Variants in ROBO1 observed in about 807,000 individuals in gnomAD.
The protein encoded by ROBO1 is roundabout homolog 1.
In ROBO1, 149 loss-of-function variants were observed where a neutral mutation model predicts 195.9. The ratio of observed to expected loss-of-function variants is 0.76; its 90% CI spans 0.67 to 0.87. The LOEUF (loss-of-function observed/expected upper bound fraction) is 0.87. ROBO1 is among the 40% of genes least tolerant of loss of function. The pLI, the probability that ROBO1 is intolerant of heterozygous loss-of-function variation, is 0.00. For missense variants in ROBO1, 1,933 were observed against 2,068.3 expected (o/e 0.93, Z 1.27); for synonymous variants, 816 against 733.2 (o/e 1.11, Z -1.82).
chr3:79,016,360 T>C (rs752308722), intron 3 of ROBO1, among the ~76,000 whole-genome samples: 4 of 152,160 alleles, frequency 2.6e-5, no homozygotes, highest in Non-Finnish European at 5.9e-5. Context: ...GCAAAGCAGA[T>C]AGGCACACCT....
At chr3:79,227,554 G>T (rs959603662) in intron 2 of ROBO1, among the ~76,000 whole-genome samples, 1 of 152,030 alleles carries the variant, frequency 6.6e-6, no homozygotes, top group African/African-American at 2.4e-5. Flanking sequence ...AGTGAATGTC[G>T]TCATTGAGTC....
intron 26 of ROBO1, among the ~76,000 whole-genome samples, chr3:78,620,260 C>T (rs888161816): frequency 4.6e-5 from 7 of 151,966 alleles, no homozygotes; most frequent in African/African-American, 7.2e-5. Context: ...GTGGTGTGCA[C>T]CTGTAATCCC....
intron 1 of ROBO1, among the ~76,000 whole-genome samples, chr3:79,636,244 T>C (rs561701044): frequency 1.3e-5 from 2 of 152,274 alleles, no homozygotes; most frequent in South Asian, 4.1e-4. Flanking sequence ...TCTGGGGCTG[T>C]CAAATTCATT....
chr3:79,673,173 T>C (rs1233899313), intron 1 of ROBO1, among the ~76,000 whole-genome samples: 1 of 152,080 alleles, frequency 6.6e-6, no homozygotes, highest in East Asian at 1.9e-4. Flanking sequence ...TTTGTTGTTT[T>C]ATGTAACAAC....
intron 2 of ROBO1, among the ~76,000 whole-genome samples, chr3:79,341,385 G>T (rs1328244514): frequency 6.6e-6 from 1 of 152,134 alleles, no homozygotes; most frequent in African/African-American, 2.4e-5. Context: ...TAGGCACTGA[G>T]GCTTCACTTT....
intron 1 of ROBO1, among the ~76,000 whole-genome samples, chr3:79,602,597 T>C (rs547691211): frequency 6.6e-6 from 1 of 152,178 alleles, no homozygotes; most frequent in Admixed American, 6.6e-5. Context: ...AGAAGGCTAC[T>C]GCAAAAGACT....
chr3:79,674,411 T>G (rs1946721388), intron 1 of ROBO1, among the ~76,000 whole-genome samples: 1 of 151,916 alleles, frequency 6.6e-6, no homozygotes, highest in Non-Finnish European at 1.5e-5. Context: ...ACATTTTGGG[T>G]TTTGTTCTTG....
intron 8 of ROBO1, among the ~76,000 whole-genome samples, chr3:78,691,101 C>T (rs1215711181): frequency 6.6e-6 from 1 of 152,066 alleles, no homozygotes; most frequent in African/African-American, 2.4e-5. Context: ...AAACCCTCTT[C>T]TATATGTGTG....
chr3:78,801,097 TAATA>T (rs1279984922), intron 4 of ROBO1, among the ~76,000 whole-genome samples: 1 of 152,214 alleles, frequency 6.6e-6, no homozygotes, highest in Non-Finnish European at 1.5e-5. Flanking sequence ...AGACAATATC[TAATA>T]ATAGACAATC....
At chr3:78,813,341 C>T (rs1333017169) in intron 4 of ROBO1, among the ~76,000 whole-genome samples, 1 of 151,934 alleles carries the variant, frequency 6.6e-6, no homozygotes, top group East Asian at 1.9e-4. Flanking sequence ...GAACTTAAAG[C>T]TCATGTTTGT....
chr3:79,388,393 A>C (rs529349145), intron 2 of ROBO1, among the ~76,000 whole-genome samples: 2 of 152,170 alleles, frequency 1.3e-5, no homozygotes, highest in Admixed American at 6.6e-5. Flanking sequence ...CACCTCCTGT[A>C]ATCAGCACCC....
intron 2 of ROBO1, among the ~76,000 whole-genome samples, chr3:79,538,716 G>A (rs1396705709): frequency 6.6e-6 from 1 of 152,092 alleles, no homozygotes; most frequent in East Asian, 1.9e-4. Context: ...TCCTACTGCT[G>A]TTTGGTTACA....
At chr3:78,677,225 A>G (rs2107764364) in intron 10 of ROBO1, among the ~76,000 whole-genome samples, 1 of 152,336 alleles carries the variant, frequency 6.6e-6, no homozygotes, top group South Asian at 2.1e-4. Context: ...AAACATGCCA[A>G]ATTGTAAAGA....
At chr3:79,194,501 C>A (rs1162368724) in intron 2 of ROBO1, among the ~76,000 whole-genome samples, 1 of 151,628 alleles carries the variant, frequency 6.6e-6, no homozygotes, top group Non-Finnish European at 1.5e-5. Context: ...AATACTTGGA[C>A]ACGAGGGAGC....
At chr3:78,896,638 A>C (rs1380065075) in intron 4 of ROBO1, among the ~76,000 whole-genome samples, 5 of 149,072 alleles carry the variant, frequency 3.4e-5, no homozygotes, top group Non-Finnish European at 5.9e-5. Flanking sequence ...CCCAAGTAAA[A>C]TAAACAGCCT....
chr3:78,920,632 T>TG lies in ROBO1; in HGVS notation c.499+17968_499+17969insC, dbSNP rs1380743448. Among the ~76,000 whole-genome samples the TG allele has an allele frequency of 1.0e-3, 132 of 131,544 alleles. No individual in the cohort carries two copies. In the East Asian group the frequency reaches 0.022, roughly 22 times the overall value. The allele number at this position is 131,544 out of a possible 152,430, so 86.3% of individuals were successfully genotyped here. A position where few individuals can be genotyped will look rare whatever the true frequency, so the allele number is the denominator to read the frequency against. ...TCTTTTTCTTTCTTTCAGTTTTTTTTTTTTTTTTTTTTTTTTTTTTGACAG... is the reference window on the plus strand; with the variant it reads ...TCTTTTTCTTTCTTTCAGTTTTTTTTGTTTTTTTTTTTTTTTTTTTTGACAG... On this transcript the variant is annotated intron_variant, in intron 4 of 30. Coordinates refer to ENST00000464233, the MANE Select transcript of ROBO1 (RefSeq NM_002941.4).
chr3:78,726,481 GA>G lies in ROBO1; in HGVS notation c.658-8599del, dbSNP rs149439556. 9.7e-3 allele frequency among the ~76,000 whole-genome samples: 1,480 copies of G among 152,126 alleles called. 18 individuals carry two copies. The highest frequency in any genetic ancestry group is 0.033 in the African/African-American group (1,375 of 41,514). ...CCTGAGTTTAGAAATTATTTTTTCA[GA>G]AAAAAACTTGATTCTTTACCACCAA... On this transcript the variant is annotated intron_variant, in intron 5 of 30. Transcript: ENST00000464233.
chr3:79,235,358 C>G (rs905877864), intron 2 of ROBO1, among the ~76,000 whole-genome samples: 4 of 151,962 alleles, frequency 2.6e-5, no homozygotes, highest in Non-Finnish European at 2.9e-5. Flanking sequence ...AAAGTATTTT[C>G]ATAATCATCA....
chr3:78,823,701 C>G (rs1364414271), intron 4 of ROBO1, among the ~76,000 whole-genome samples: 1 of 152,142 alleles, frequency 6.6e-6, no homozygotes, highest in Non-Finnish European at 1.5e-5. Flanking sequence ...TAAACATTAC[C>G]TAGCATACTC....
Sources: gnomAD v4.1 joint callset for allele counts (sites outside exome capture counted in the v4.1 genomes callset) on GRCh38, gnomAD v4.1.1 for gene constraint, MANE v1.5 for transcripts, NCBI Gene and HGNC (gene_info 2026-07-23, HGNC 2026-07-21) for gene names.